YAE1: variants seen among roughly 807,000 people sequenced by gnomAD.
YAE1 encodes the protein YAE1 maturation factor of ABCE1, also known as protein YAE1 homolog.
Under a neutral mutation model 23.0 loss-of-function variants are expected in YAE1, and 22 were observed. That is an observed-to-expected ratio of 0.96 (90% CI 0.68 to 1.37). YAE1 has a LOEUF of 1.37. Ranked by LOEUF, YAE1 falls within the 40% of genes most tolerant of loss-of-function variation. YAE1 has a pLI of 0.00. For missense variants in YAE1, 260 were observed against 262.1 expected (o/e 0.99, Z 0.06); for synonymous variants, 101 against 97.0 (o/e 1.04, Z -0.24).
chr7:39,592,074 AT>A (rs1200139353), intron 2 of YAE1, among the ~76,000 whole-genome samples: 1 of 152,204 alleles, frequency 6.6e-6, no homozygotes, highest in African/African-American at 2.4e-5. Context: ...CATTTTATCC[AT>A]TCACCTACTA....
At chr7:39,589,148 G>A (rs540573071) in intron 2 of YAE1, among the ~76,000 whole-genome samples, 51 of 151,874 alleles carry the variant, frequency 3.4e-4, no homozygotes, top group African/African-American at 1.1e-3. Context: ...TAAAACAAAG[G>A]CTTTTTATTA....
chr7:39,596,692 C>T (rs909886072), intron 2 of YAE1, among the ~76,000 whole-genome samples: 5 of 152,066 alleles, frequency 3.3e-5, no homozygotes, highest in South Asian at 2.1e-4. Flanking sequence ...TATGACGTTA[C>T]GTGAAAAGTG....
chr7:39,596,488 C>G (rs1351278017), intron 2 of YAE1, among the ~76,000 whole-genome samples: 1 of 152,186 alleles, frequency 6.6e-6, no homozygotes, highest in Non-Finnish European at 1.5e-5. Flanking sequence ...AGCCTCGCCT[C>G]AGCCTCCCAA....
At chr7:39,587,995 T>A (rs546997250) in intron 2 of YAE1, among the ~76,000 whole-genome samples, 24 of 152,350 alleles carry the variant, frequency 1.6e-4, no homozygotes, top group Admixed American at 3.3e-4. Context: ...TGGCTCCAAT[T>A]CATTCTTAGT....
rs779784278 is a variant in YAE1 at position 39,572,765 on chromosome 7, G to A, written c.*59G>A. 62 of 1,512,778 alleles carry A rather than the reference G, an allele frequency of 4.1e-5. No homozygotes were observed. Among genetic ancestry groups the A allele is most frequent in the Non-Finnish European group, 4.9e-5 (56 of 1,136,306 alleles). The allele number at this position is 1,512,778 out of a possible 1,614,324, so 93.7% of individuals were successfully genotyped here. On this transcript the variant is annotated 3_prime_UTR_variant, in exon 3 of 3. Coordinates refer to ENST00000223273, the MANE Select transcript of YAE1 (RefSeq NM_020192.5). ...CAGAACATTTGGTTTCCTAACAATC[G>A]AAATTTGTACTGGTTTCTGCATCAA...
At chr7:39,607,210 A>C (rs1348011790) in intron 2 of YAE1, among the ~76,000 whole-genome samples, 1 of 152,216 alleles carries the variant, frequency 6.6e-6, no homozygotes, top group East Asian at 1.9e-4. Flanking sequence ...GGTCGATAGA[A>C]TAATGTCTGT....
chr7:39,608,684 T>A (rs1791163504), intron 2 of YAE1, among the ~76,000 whole-genome samples: 1 of 152,206 alleles, frequency 6.6e-6, no homozygotes, highest in Non-Finnish European at 1.5e-5. Context: ...CTAAACAAAA[T>A]TTTACATTTT....
chr7:39,588,614 C>T lies in YAE1; in HGVS notation c.251+17987C>T, dbSNP rs527596506. 8.2e-4 allele frequency among the ~76,000 whole-genome samples: 125 copies of T among 152,024 alleles called. 1 individual carries two copies. The Middle Eastern group carries it at 0.02, about 25-fold the overall frequency. On this transcript the variant is annotated intron_variant, in intron 2 of 2. Coordinates refer to the YAE1 transcript ENST00000432096. The stretch of plus-strand genomic sequence containing the variant: ...GTTTCTTTCCTAATAATGGAAGTTC[C>T]GTCTCAAAGGAGAAGACTTTGATAC...
chr7:39,596,420 TA>T (rs1186684110), intron 2 of YAE1, among the ~76,000 whole-genome samples: 2 of 152,070 alleles, frequency 1.3e-5, no homozygotes, highest in Non-Finnish European at 2.9e-5. Context: ...GTATTTTTAG[TA>T]GAGACGAAGT....
At chr7:39,603,882 A>G (rs1791090223) in intron 2 of YAE1, among the ~76,000 whole-genome samples, 1 of 152,222 alleles carries the variant, frequency 6.6e-6, no homozygotes, top group Non-Finnish European at 1.5e-5. Flanking sequence ...GGAAATTCAA[A>G]GAAATATCGA....
At chr7:39,575,537 G>GGAGAGAGAGAGAGAGAGAGAGAGA (rs56954676), downstream of YAE1, among the ~76,000 whole-genome samples, 10 of 131,276 alleles carry the variant, frequency 7.6e-5, no homozygotes, top group African/African-American at 2.0e-4. Flanking sequence ...CTAAGATACA[G>GGAGAGAGAGAGAGAGAGAGAGAGA]GAGAGAGAGA....
At chr7:39,600,687 G>C (rs1325265492) in intron 2 of YAE1, among the ~76,000 whole-genome samples, 1 of 152,154 alleles carries the variant, frequency 6.6e-6, no homozygotes, top group South Asian at 2.1e-4. Context: ...GTGAGCCACC[G>C]CCCCTGGCCT....
At chr7:39,583,458 C>T (rs1266044850) in intron 2 of YAE1, among the ~76,000 whole-genome samples, 1 of 152,184 alleles carries the variant, frequency 6.6e-6, no homozygotes, top group African/African-American at 2.4e-5. Flanking sequence ...CACTTCTCCA[C>T]AATATCCAAT....
intron 2 of YAE1, among the ~76,000 whole-genome samples, chr7:39,602,748 TTGTTTG>T (rs1328947854): frequency 6.6e-6 from 1 of 151,942 alleles, no homozygotes; most frequent in African/African-American, 2.4e-5. Flanking sequence ...GTTTGTTTGT[TTGTTTG>T]TTTGTTTGTT....
intron 2 of YAE1, among the ~76,000 whole-genome samples, chr7:39,597,464 A>T (rs945938546): frequency 2.0e-5 from 3 of 152,214 alleles, no homozygotes; most frequent in Non-Finnish European, 2.9e-5. Context: ...TGTTTAACTT[A>T]CTATGAGGTT....
intron 2 of YAE1, among the ~76,000 whole-genome samples, chr7:39,606,897 C>G (rs1274322669): frequency 2.6e-5 from 4 of 152,074 alleles, no homozygotes; most frequent in African/African-American, 4.8e-5. Context: ...CATAGAGTTG[C>G]CTACTGTCAT....
At chr7:39,576,679 T>G (rs1334939324), downstream of YAE1, among the ~76,000 whole-genome samples, 1 of 152,156 alleles carries the variant, frequency 6.6e-6, no homozygotes, top group Non-Finnish European at 1.5e-5. Flanking sequence ...ATGTTTCCCC[T>G]GCATCACTTT....
downstream of YAE1, among the ~76,000 whole-genome samples, chr7:39,577,314 C>A (rs1790669304): frequency 6.6e-6 from 1 of 152,268 alleles, no homozygotes; most frequent in Admixed American, 6.5e-5. Context: ...ACTCTAGGTG[C>A]CTCCTTGGCC....
intron 2 of YAE1, among the ~76,000 whole-genome samples, chr7:39,594,257 C>T (rs1052352347): frequency 6.6e-6 from 1 of 152,206 alleles, no homozygotes; most frequent in African/African-American, 2.4e-5. Context: ...TGGGGCTCCT[C>T]ATCTGTGGCT....
Sources: allele counts gnomAD v4.1 joint callset (sites outside exome capture counted in the v4.1 genomes callset), GRCh38; gene constraint gnomAD v4.1.1; transcripts MANE v1.5; gene names NCBI Gene and HGNC (gene_info 2026-07-23, HGNC 2026-07-21).